The following CR1L variants were observed in gnomAD, a reference collection of about 807,000 sequenced individuals.
CR1L encodes complement component receptor 1-like protein.
In CR1L, 59 loss-of-function variants were observed where a neutral mutation model predicts 62.3. The observed-to-expected ratio is 0.95, with a 90% CI of 0.77 to 1.18. CR1L has a LOEUF of 1.18. Among genes scored for constraint, CR1L ranks in the 50% most tolerant of loss-of-function variants. CR1L has a pLI of 0.00. For missense variants in CR1L, 700 were observed against 702.8 expected (o/e 1.00, Z 0.04); for synonymous variants, 279 against 248.7 (o/e 1.12, Z -1.15).
chr1:207,648,533 G>A (rs887999932), intron 1 of CR1L, among the ~76,000 whole-genome samples: 1 of 152,144 alleles, frequency 6.6e-6, no homozygotes, highest in Non-Finnish European at 1.5e-5. Context: ...CTGTGCATGG[G>A]AGACCTGCCC....
chr1:207,708,374 T>C, intron 10 of CR1L, 111 bp downstream of exon 10: 1 of 1,384,088 alleles, frequency 7.2e-7, no homozygotes, highest in Admixed American at 1.8e-5. Flanking sequence ...CCTTCTGATA[T>C]TTGAAGAATC....
At chr1:207,713,243 T>A (rs189290083) in intron 10 of CR1L, among the ~76,000 whole-genome samples, 1 of 152,146 alleles carries the variant, frequency 6.6e-6, no homozygotes, top group African/African-American at 2.4e-5. Flanking sequence ...CATAATTTTA[T>A]AAAATGTGTG....
At chr1:207,657,922 T>C (rs1186716258) in intron 1 of CR1L, among the ~76,000 whole-genome samples, 3 of 152,028 alleles carry the variant, frequency 2.0e-5, no homozygotes, top group Non-Finnish European at 2.9e-5. Flanking sequence ...TCTCAAAAAA[T>C]TGAAATCATT....
rs1664188812 is a variant in CR1L at position 207,701,387 on chromosome 1, CA to C, written c.1229-130del. ...CCTGAGGCTCTCTGATGAGTTTTCT[CA>C]AGGTGCCAAAATCTGTGGAACTATC... On this transcript the variant is annotated intron_variant, in intron 8 of 11. Transcript: ENST00000508064. 4 of 1,199,994 alleles carry C rather than the reference CA, an allele frequency of 3.3e-6. No individual in the cohort carries two copies. In the South Asian group the frequency reaches 5.3e-5, roughly 16 times the overall value. The allele number at this position is 1,199,994 out of a possible 1,614,324, so 74.3% of individuals were successfully genotyped here.
At chr1:207,705,595 C>T (rs1407345912) in intron 9 of CR1L, among the ~76,000 whole-genome samples, 2 of 152,126 alleles carry the variant, frequency 1.3e-5, no homozygotes, top group Non-Finnish European at 2.9e-5. Context: ...GACCATAGCA[C>T]CTAGAATCTG....
Position 207,697,809 on chromosome 1 carries a change from G to T in CR1L, c.1078G>T (p.Gly360Cys). Residue 360 changes from glycine (G) to cysteine (C), a missense_variant, in exon 7 of 12, where the codon GGC (glycine) becomes TGC (cysteine). Gly to Cys is a radical substitution (Grantham distance 159). Coordinates refer to ENST00000508064, the MANE Select transcript of CR1L (RefSeq NM_175710.2). ...TGACTTCCTGGGCCAACTTCCTAAT[G>T]GCCATGTGCTATTTCCACTTAATCT... ...CDDFLGQLPN[G>C]HVLFPLNLQL... 6.2e-7 allele frequency: 1 copy of T among 1,613,892 alleles called. No homozygotes were observed. The highest frequency in any genetic ancestry group is 1.3e-5 in the African/African-American group (1 of 75,016).
chr1:207,719,408 A>G (rs1170840684), intron 11 of CR1L, among the ~76,000 whole-genome samples: 1 of 152,060 alleles, frequency 6.6e-6, no homozygotes, highest in African/African-American at 2.4e-5. Flanking sequence ...AAGTTAATAT[A>G]TAATGAATAC....
intron 4 of CR1L, among the ~76,000 whole-genome samples, chr1:207,686,126 T>TTCCTTCCTTCCTCCCTCCCTC (rs1663902771): frequency 6.0e-5 from 1 of 16,552 alleles, no homozygotes; most frequent in Admixed American, 1.0e-3. Flanking sequence ...CTCCCTCCCT[T>TTCCTTCCTTCCTCCCTCCCTC]CCTCCCTCCC....
intron 1 of CR1L, among the ~76,000 whole-genome samples, chr1:207,660,860 GT>G (rs922275896): frequency 1.9e-4 from 29 of 152,126 alleles, no homozygotes; most frequent in Non-Finnish European, 5.9e-5. Context: ...GTTCTTGTTG[GT>G]TTCAAAGAAC....
chr1:207,714,913 T>A (rs1324028550), intron 10 of CR1L, among the ~76,000 whole-genome samples: 1 of 152,174 alleles, frequency 6.6e-6, no homozygotes, highest in African/African-American at 2.4e-5. Context: ...TTCTGCCTCA[T>A]GACCCACTAA....
Position 207,723,673 on chromosome 1 carries a change from C to T in CR1L, c.1698C>T (p.Phe566=). 6.3e-7 allele frequency: 1 copy of T among 1,588,174 alleles called. No homozygotes were observed. Among genetic ancestry groups the T allele is most frequent in the African/African-American group, 1.3e-5 (1 of 74,766 alleles). The part of the protein sequence containing the change: ...GKFYEVFAEE[F]CHL ...TTTATGAAGTGTTTGCTGAGGAATT[C>T]TGTCATCTTTAACAGTAAGTACCTA... is the stretch of plus-strand genomic sequence containing the variant. The change falls in exon 12 of 12, where the codon TTC becomes TTT. Residue 566 remains phenylalanine, a synonymous_variant. Coordinates refer to ENST00000508064, the MANE Select transcript of CR1L (RefSeq NM_175710.2).
At chr1:207,718,223 C>G (rs972764895) in intron 11 of CR1L, among the ~76,000 whole-genome samples, 2 of 152,142 alleles carry the variant, frequency 1.3e-5, no homozygotes, top group African/African-American at 4.8e-5. Context: ...TCACCATTAA[C>G]AAAGGGAACT....
Position 207,699,109 on chromosome 1 carries a change from T to C in CR1L, c.1143-80T>C, listed in dbSNP as rs569766359. On this transcript the variant is annotated intron_variant, in intron 7 of 11. Coordinates refer to ENST00000508064, the MANE Select transcript of CR1L (RefSeq NM_175710.2). ...GCCTCAGGTCCTCAAAATCCTGAAA[T>C]TGGGGCTGGGCCTTAGATTGTGAAC... 795 of 1,587,874 alleles carry C rather than the reference T, an allele frequency of 5.0e-4. 1 individual carries two copies. Among genetic ancestry groups the C allele is most frequent in the Admixed American group, 1.1e-3 (65 of 59,602 alleles).
rs1314422925 is a variant in CR1L at position 207,677,554 on chromosome 1, A to T, written c.263A>T (p.Lys88Met). Residue 88 changes from lysine (K) to methionine (M), a missense_variant, in exon 2 of 12, where the codon AAG (lysine) becomes ATG (methionine). Transcript: ENST00000508064. ...CLKNSVWTSA[K>M]DKCKRKSCRN... ...AAAAACTCAGTCTGGACAAGTGCTA[A>T]GGACAAGTGCAAACGTAAGTAACTC... The T allele has an allele frequency of 1.7e-5, 27 of 1,613,630 alleles. No individual in the cohort carries two copies. Among genetic ancestry groups the T allele is most frequent in the African/African-American group, 2.7e-5 (2 of 74,934 alleles).
chr1:207,682,960 TTTTCTTTC>T (rs141205339), intron 3 of CR1L, among the ~76,000 whole-genome samples: 19,342 of 139,982 alleles, frequency 0.14, 1,471 homozygotes, highest in East Asian at 0.36. Flanking sequence ...TTATAAATCA[TTTTCTTTC>T]TTTCTTTCTT....
chr1:207,698,131 T>C (rs1664134922), intron 7 of CR1L, among the ~76,000 whole-genome samples: 2 of 152,096 alleles, frequency 1.3e-5, no homozygotes, highest in South Asian at 4.1e-4. Flanking sequence ...AATTACTTGT[T>C]ATTAATATAT....
At chr1:207,715,471 A>G (rs1438202010) in intron 10 of CR1L, 1 of 900,786 alleles carries the variant, frequency 1.1e-6, no homozygotes, top group Non-Finnish European at 1.7e-6. Context: ...GCACGGAATC[A>G]CTTGTCTGGA....
chr1:207,665,032 A>T (rs1164923981), intron 1 of CR1L, among the ~76,000 whole-genome samples: 1 of 152,226 alleles, frequency 6.6e-6, no homozygotes, highest in East Asian at 1.9e-4. Flanking sequence ...TTTCCATTAT[A>T]AAATATGAAA....
chr1:207,647,022 T>TAC (rs60443234), intron 1 of CR1L, among the ~76,000 whole-genome samples: 1 of 151,854 alleles, frequency 6.6e-6, no homozygotes. Flanking sequence ...ACTATTTGTT[T>TAC]ACACACACGT....
Sources: allele counts gnomAD v4.1 joint callset (sites outside exome capture counted in the v4.1 genomes callset), GRCh38; gene constraint gnomAD v4.1.1; transcripts MANE v1.5; gene names NCBI Gene and HGNC (gene_info 2026-07-23, HGNC 2026-07-21).